TANC1: variants seen among roughly 807,000 people sequenced by gnomAD.
The protein encoded by TANC1 is tetratricopeptide repeat, ankyrin repeat and coiled-coil containing 1, also known as protein TANC1.
Under a neutral mutation model 149.7 loss-of-function variants are expected in TANC1, and 77 were observed. That is an observed-to-expected ratio of 0.51 (90% CI 0.43 to 0.62). TANC1 has a LOEUF of 0.62. Among genes scored for constraint, TANC1 ranks in the 20% least tolerant of loss-of-function variants. The pLI, the probability that TANC1 is intolerant of heterozygous loss-of-function variation, is 0.00. For synonymous variants in TANC1, 854 were observed against 925.0 expected (o/e 0.92, Z 1.39); for missense variants, 1,985 against 2,321.8 (o/e 0.85, Z 2.98).
At chr2:159,169,022 C>T (rs2054900249) in intron 8 of TANC1, among the ~76,000 whole-genome samples, 1 of 152,150 alleles carries the variant, frequency 6.6e-6, no homozygotes, top group South Asian at 2.1e-4. Flanking sequence ...AGAATTCTGA[C>T]AACTCAGTCA....
At chr2:159,144,522 C>T (rs1300263195) in intron 5 of TANC1, among the ~76,000 whole-genome samples, 1 of 152,048 alleles carries the variant, frequency 6.6e-6, no homozygotes, top group East Asian at 1.9e-4. Flanking sequence ...ATTACAGGCA[C>T]GTGCTACCAT....
chr2:159,228,078 T>A (rs1345181044), intron 25 of TANC1, 113 bp downstream of exon 25: 2 of 1,211,308 alleles, frequency 1.7e-6, no homozygotes, highest in Non-Finnish European at 2.3e-6. Flanking sequence ...CCAATTTGCT[T>A]GCACATTTAC....
intron 2 of TANC1, among the ~76,000 whole-genome samples, chr2:159,036,001 T>A (rs1044921571): frequency 6.6e-6 from 1 of 152,154 alleles, no homozygotes; most frequent in African/African-American, 2.4e-5. Flanking sequence ...AGAGTGGGCG[T>A]GCTGTGGGCT....
intron 4 of TANC1, among the ~76,000 whole-genome samples, chr2:159,121,285 A>C (rs776177514): frequency 7.2e-5 from 11 of 152,212 alleles, no homozygotes; most frequent in Admixed American, 7.2e-4. Context: ...TGGGAAATGC[A>C]ATTATTTATG....
intron 3 of TANC1, among the ~76,000 whole-genome samples, chr2:159,076,055 G>C (rs1348736924): frequency 1.3e-5 from 2 of 152,130 alleles, no homozygotes; most frequent in Non-Finnish European, 2.9e-5. Context: ...ATTTCTTTGA[G>C]ATTGGTAGAC....
intron 13 of TANC1, among the ~76,000 whole-genome samples, chr2:159,178,139 C>G (rs73002951): frequency 6.6e-6 from 1 of 152,236 alleles, no homozygotes; most frequent in Non-Finnish European, 1.5e-5. Flanking sequence ...TTTATCTTGG[C>G]GTCTGGCCGT....
At chr2:159,077,048 A>G (rs1296140219) in intron 3 of TANC1, among the ~76,000 whole-genome samples, 3 of 149,192 alleles carry the variant, frequency 2.0e-5, no homozygotes, top group African/African-American at 7.4e-5. Context: ...AGATTCTTAC[A>G]TGGTCTTGAT....
intron 1 of TANC1, among the ~76,000 whole-genome samples, chr2:158,981,499 AT>A (rs2034339831): frequency 3.4e-5 from 1 of 29,418 alleles, no homozygotes; most frequent in South Asian, 1.9e-3. Flanking sequence ...TTTTATATAT[AT>A]ATATATATAT....
intron 5 of TANC1, among the ~76,000 whole-genome samples, chr2:159,139,132 C>T (rs2051093228): frequency 6.6e-6 from 1 of 151,792 alleles, no homozygotes; most frequent in South Asian, 2.1e-4. Flanking sequence ...ATTCAGGGGG[C>T]CGAGGTGGGA....
Position 159,113,505 on chromosome 2 carries a change from G to A in TANC1, c.259+15671G>A, listed in dbSNP as rs1425437077. Among the ~76,000 whole-genome samples, 3 of 152,224 alleles carry A rather than the reference G, an allele frequency of 2.0e-5. No individual in the cohort carries two copies. In the East Asian group the frequency reaches 5.8e-4, roughly 29 times the overall value. ...TTGAGAGGATTGGAAGGAATGTAAAGTGCCTGGCTCCTAGAATATGTTGGA... is the reference window on the plus strand; with the variant it reads ...TTGAGAGGATTGGAAGGAATGTAAAATGCCTGGCTCCTAGAATATGTTGGA... On this transcript the variant is annotated intron_variant, in intron 4 of 26. Transcript: ENST00000263635.
chr2:159,080,244 A>G (rs2149786773), intron 3 of TANC1, among the ~76,000 whole-genome samples: 1 of 152,352 alleles, frequency 6.6e-6, no homozygotes, highest in Non-Finnish European at 1.5e-5. Context: ...GGGAAAGTGA[A>G]CAGACTTCCC....
chr2:159,223,714 T>C (rs2059840483), intron 22 of TANC1, among the ~76,000 whole-genome samples: 1 of 152,344 alleles, frequency 6.6e-6, no homozygotes, highest in African/African-American at 2.4e-5. Context: ...ACTTGCCATC[T>C]TTACTCTCCC....
chr2:159,012,917 C>A (rs923288802), intron 2 of TANC1, among the ~76,000 whole-genome samples: 1 of 152,164 alleles, frequency 6.6e-6, no homozygotes, highest in African/African-American at 2.4e-5. Flanking sequence ...AAATTCTTCT[C>A]TTCTTGTTGG....
intron 1 of TANC1, among the ~76,000 whole-genome samples, chr2:158,994,753 C>G (rs1395897222): frequency 6.6e-6 from 1 of 152,096 alleles, no homozygotes; most frequent in Non-Finnish European, 1.5e-5. Flanking sequence ...ACTATTTTGC[C>G]AAGTCATAAA....
chr2:159,159,581 A>G (rs1203112240), intron 7 of TANC1, among the ~76,000 whole-genome samples: 1 of 152,032 alleles, frequency 6.6e-6, no homozygotes, highest in African/African-American at 2.4e-5. Context: ...CAGATAATTA[A>G]CTCCTTTTAT....
chr2:158,981,932 G>A (rs1295071854), intron 1 of TANC1, among the ~76,000 whole-genome samples: 1 of 151,932 alleles, frequency 6.6e-6, no homozygotes, highest in Non-Finnish European at 1.5e-5. Flanking sequence ...GGACACCCTC[G>A]GGGTGATAAT....
intron 19 of TANC1, among the ~76,000 whole-genome samples, chr2:159,209,012 C>T (rs2058813416): frequency 6.6e-6 from 1 of 152,208 alleles, no homozygotes; most frequent in South Asian, 2.1e-4. Flanking sequence ...ATGGTATTAT[C>T]ATCTTATGAG....
chr2:159,119,905 A>G (rs2048670682), intron 4 of TANC1, among the ~76,000 whole-genome samples: 1 of 152,192 alleles, frequency 6.6e-6, no homozygotes, highest in Non-Finnish European at 1.5e-5. Context: ...AGATAATGGA[A>G]AGCATGTGCT....
intron 2 of TANC1, among the ~76,000 whole-genome samples, chr2:159,035,225 AGTG>A (rs2040090969): frequency 6.6e-6 from 1 of 152,208 alleles, no homozygotes; most frequent in East Asian, 1.9e-4. Context: ...TGAAGGAGTC[AGTG>A]GGAAATTAGA....
Sources: allele counts gnomAD v4.1 joint callset (sites outside exome capture counted in the v4.1 genomes callset), GRCh38; gene constraint gnomAD v4.1.1; transcripts MANE v1.5; gene names NCBI Gene and HGNC (gene_info 2026-07-23, HGNC 2026-07-21).